EIF4ENIF1: variants seen among roughly 807,000 people sequenced by gnomAD.
The protein encoded by EIF4ENIF1 is eukaryotic translation initiation factor 4E nuclear import factor 1.
In EIF4ENIF1, 23 loss-of-function variants were observed where a neutral mutation model predicts 110.5. The ratio of observed to expected loss-of-function variants is 0.21; its 90% CI spans 0.15 to 0.29. EIF4ENIF1 has a LOEUF of 0.29. EIF4ENIF1 is among the 10% of genes least tolerant of loss of function. The pLI is 1.00. For synonymous variants in EIF4ENIF1, 440 were observed against 437.0 expected (o/e 1.01, Z -0.09); for missense variants, 1,031 against 1,221.1 (o/e 0.84, Z 2.32).
Position 31,482,875 on chromosome 22 carries a change from T to C in EIF4ENIF1, c.96+5748A>G, listed in dbSNP as rs1327504215. Among the ~76,000 whole-genome samples, 4 of 149,990 alleles carry C rather than the reference T, an allele frequency of 2.7e-5. No individual in the cohort carries two copies. The East Asian group carries it at 7.9e-4, about 30-fold the overall frequency. On this transcript the variant is annotated intron_variant, in intron 2 of 18. Coordinates refer to ENST00000330125, the MANE Select transcript of EIF4ENIF1 (RefSeq NM_019843.4). ...CATCTCTACTAAAATGTAAAAAAAA[T>C]TAGCTGGGCATGGAGGCACGCGCCT...
chr22:31,443,830 G>A (rs376134731), intron 15 of EIF4ENIF1, among the ~76,000 whole-genome samples: 2 of 136,514 alleles, frequency 1.5e-5, no homozygotes, highest in African/African-American at 5.2e-5. Context: ...TTTTTGAGAC[G>A]GGGACTCACT....
intron 13 of EIF4ENIF1, among the ~76,000 whole-genome samples, chr22:31,447,766 A>G (rs1312766278): frequency 2.0e-5 from 3 of 152,220 alleles, no homozygotes; most frequent in African/African-American, 7.2e-5. Context: ...CAAATTGTCT[A>G]ACCTTCACTG....
At chr22:31,458,098 C>G (rs1357751123) in intron 7 of EIF4ENIF1, among the ~76,000 whole-genome samples, 3 of 151,888 alleles carry the variant, frequency 2.0e-5, no homozygotes, top group Admixed American at 2.0e-4. Context: ...CATGGTGGCA[C>G]ACACCTGTGA....
intron 9 of EIF4ENIF1, 135 bp from the exon 10 acceptor site, chr22:31,454,511 C>A: frequency 2.8e-6 from 2 of 703,434 alleles, no homozygotes; most frequent in Non-Finnish European, 4.7e-6. Flanking sequence ...AGACTGACAC[C>A]AAAAATAAAC....
At chr22:31,485,057 ACTT>A (rs1267426748) in intron 2 of EIF4ENIF1, among the ~76,000 whole-genome samples, 1 of 152,216 alleles carries the variant, frequency 6.6e-6, no homozygotes, top group Non-Finnish European at 1.5e-5. Context: ...AAGGGAGAAG[ACTT>A]CTTTATCCCC....
intron 11 of EIF4ENIF1, among the ~76,000 whole-genome samples, chr22:31,449,734 CT>C (rs36031296): frequency 9.6e-4 from 138 of 143,634 alleles, no homozygotes; most frequent in Middle Eastern, 3.7e-3. Context: ...ATAGAGGTTC[CT>C]TTTTTTTTTT....
chr22:31,491,862 C>G (rs960765564), upstream of EIF4ENIF1, among the ~76,000 whole-genome samples: 1 of 152,180 alleles, frequency 6.6e-6, no homozygotes, highest in Admixed American at 6.5e-5. Flanking sequence ...AAAGAAAATA[C>G]TAGAAACCCG....
chr22:31,445,830 A>C (rs2050445956), intron 14 of EIF4ENIF1, among the ~76,000 whole-genome samples: 1 of 152,174 alleles, frequency 6.6e-6, no homozygotes, highest in Non-Finnish European at 1.5e-5. Flanking sequence ...GGAGGACCTA[A>C]GAGGCTGATG....
At chr22:31,482,105 G>A (rs1012041166) in intron 2 of EIF4ENIF1, among the ~76,000 whole-genome samples, 20 of 151,586 alleles carry the variant, frequency 1.3e-4, no homozygotes, top group Admixed American at 3.3e-4. Context: ...CAGAGTTCGA[G>A]GCTGCAGTGA....
In EIF4ENIF1 at chr22:31,471,029, A is replaced by G. The variant is rs77511449; in HGVS notation, c.170+815T>C. The stretch of plus-strand genomic sequence containing the variant: ...CTCTGTCTCGGACAAAAAAAAAAAA[A>G]GAAAAGAAATGACTAAGGTGGCCAT... On this transcript the variant is annotated intron_variant, in intron 3 of 18. Coordinates refer to ENST00000330125, the MANE Select transcript of EIF4ENIF1 (RefSeq NM_019843.4). 1.5e-3 allele frequency among the ~76,000 whole-genome samples: 224 copies of G among 151,754 alleles called. 1 individual carries two copies. Among genetic ancestry groups the G allele is most frequent in the Non-Finnish European group, 2.2e-3 (146 of 67,894 alleles).
Position 31,450,351 on chromosome 22 carries a change from C to A in EIF4ENIF1, c.1522G>T (p.Glu508Ter). Reference protein sequence around the residue: ...PSQPKVSRNLESHLMSPAEIP... With the variant: ...PSQPKVSRNL ...TCAGCAGGGGACATCAAATGGCTTT[C>A]AAGGTTTCGCTAAAAGAGTCAAAAG... Residue 508 changes from glutamate (E) to a stop codon, truncating the protein, a stop_gained, in exon 11 of 19, where the codon GAA (glutamate) becomes TAA (stop). Transcript: ENST00000330125. LOFTEE classifies it high-confidence loss of function. 2 of 1,613,218 alleles carry A rather than the reference C, an allele frequency of 1.2e-6. No homozygotes were observed. Among genetic ancestry groups the A allele is most frequent in the South Asian group, 2.2e-5 (2 of 91,050 alleles).
chr22:31,445,956 C>T (rs535046539), intron 14 of EIF4ENIF1, among the ~76,000 whole-genome samples: 1 of 145,560 alleles, frequency 6.9e-6, no homozygotes, highest in African/African-American at 2.5e-5. Context: ...ACGTACCGCC[C>T]CCCCCCCCCA....
chr22:31,455,700 T>G, intron 8 of EIF4ENIF1, 152 bp downstream of exon 8: 1 of 1,071,400 alleles, frequency 9.3e-7, no homozygotes, highest in Non-Finnish European at 1.3e-6. Context: ...ACCCGGCCCC[T>G]TCAACAATAT....
chr22:31,484,690 C>T (rs1336977764), intron 2 of EIF4ENIF1, among the ~76,000 whole-genome samples: 1 of 152,116 alleles, frequency 6.6e-6, no homozygotes, highest in Non-Finnish European at 1.5e-5. Flanking sequence ...AAAAATTAGC[C>T]GGGCGTGGTG....
downstream of EIF4ENIF1, chr22:31,437,223 T>C (rs961088683): frequency 6.6e-6 from 1 of 152,276 alleles, no homozygotes; most frequent in Non-Finnish European, 1.5e-5. Context: ...AGATTTTCCA[T>C]GATATGCTTT....
intron 8 of EIF4ENIF1, among the ~76,000 whole-genome samples, chr22:31,455,647 C>G (rs1191174892): frequency 6.6e-6 from 1 of 152,170 alleles, no homozygotes; most frequent in Non-Finnish European, 1.5e-5. Context: ...ATCTGCCTGC[C>G]TTGGCCTCCC....
At chr22:31,451,768 A>G (rs1198636083) in intron 10 of EIF4ENIF1, among the ~76,000 whole-genome samples, 2 of 151,672 alleles carry the variant, frequency 1.3e-5, no homozygotes, top group Non-Finnish European at 2.9e-5. Context: ...CTCGAACTAT[A>G]GGTGTACACC....
At chr22:31,485,343 T>C (rs192480049) in intron 2 of EIF4ENIF1, among the ~76,000 whole-genome samples, 1 of 152,322 alleles carries the variant, frequency 6.6e-6, no homozygotes, top group East Asian at 1.9e-4. Flanking sequence ...AGGTTCTTAA[T>C]CTTTACTGCA....
At chr22:31,477,593 A>C (rs1319723028) in intron 2 of EIF4ENIF1, among the ~76,000 whole-genome samples, 1 of 152,210 alleles carries the variant, frequency 6.6e-6, no homozygotes, top group African/African-American at 2.4e-5. Context: ...TGTGATGCTT[A>C]AGTGAACAGA....
Sources: allele counts gnomAD v4.1 joint callset (sites outside exome capture counted in the v4.1 genomes callset), GRCh38; gene constraint gnomAD v4.1.1; transcripts MANE v1.5; gene names NCBI Gene and HGNC (gene_info 2026-07-23, HGNC 2026-07-21).